Variants in CAMK1D observed in about 807,000 individuals in gnomAD.
CAMK1D encodes calcium/calmodulin dependent protein kinase ID.
CAMK1D carries 9 observed loss-of-function variants against 47.7 expected under a neutral mutation model. The observed-to-expected ratio is 0.19, with a 90% CI of 0.11 to 0.33. CAMK1D has a LOEUF of 0.33. CAMK1D is among the 10% of genes least tolerant of loss of function. CAMK1D has a pLI of 1.00. For missense variants in CAMK1D, 291 were observed against 488.7 expected (o/e 0.60, Z 3.81); for synonymous variants, 184 against 184.9 (o/e 0.99, Z 0.04).
At chr10:12,506,814 G>A (rs917115401) in intron 1 of CAMK1D, among the ~76,000 whole-genome samples, 10 of 152,182 alleles carry the variant, frequency 6.6e-5, no homozygotes, top group African/African-American at 2.2e-4. Flanking sequence ...CACCGCGCCC[G>A]GCCTGGGCTC....
intron 2 of CAMK1D, among the ~76,000 whole-genome samples, chr10:12,568,860 G>T (rs541421693): frequency 6.6e-6 from 1 of 152,100 alleles, no homozygotes; most frequent in Non-Finnish European, 1.5e-5. Flanking sequence ...GAGGGAATTC[G>T]TTTTGGGAAT....
At chr10:12,544,551 G>A (rs1313505190) in intron 1 of CAMK1D, among the ~76,000 whole-genome samples, 3 of 152,194 alleles carry the variant, frequency 2.0e-5, no homozygotes, top group East Asian at 3.8e-4. Flanking sequence ...AAGCATTCAG[G>A]CACATAAGTG....
chr10:12,610,451 G>C lies in CAMK1D; in HGVS notation c.225-56285G>C, dbSNP rs939605056. Among the ~76,000 whole-genome samples the C allele has an allele frequency of 2.0e-5, 3 of 152,120 alleles. No homozygotes were observed. The South Asian group carries it at 6.2e-4, about 32-fold the overall frequency. The stretch of plus-strand genomic sequence containing the variant: ...CTCCCCCTTCTCAGCAGATGTATCT[G>C]CTTCCATCTGCCTCTCAGAAAAACC... On this transcript the variant is annotated intron_variant, in intron 2 of 10. Transcript: ENST00000619168.
At chr10:12,352,927 C>G (rs974115640) in intron 1 of CAMK1D, among the ~76,000 whole-genome samples, 19 of 152,056 alleles carry the variant, frequency 1.2e-4, no homozygotes, top group Admixed American at 7.9e-4. Flanking sequence ...TTAGTAGAGA[C>G]GGGGTTTCAC....
At chr10:12,352,980 G>A (rs562617977) in intron 1 of CAMK1D, among the ~76,000 whole-genome samples, 47 of 152,102 alleles carry the variant, frequency 3.1e-4, no homozygotes, top group African/African-American at 1.0e-3. Flanking sequence ...CTCATGATCC[G>A]CCTGCCTCGG....
At chr10:12,546,054 G>A (rs1836359282) in intron 1 of CAMK1D, among the ~76,000 whole-genome samples, 1 of 152,176 alleles carries the variant, frequency 6.6e-6, no homozygotes, top group African/African-American at 2.4e-5. Context: ...GTTTAGAAAG[G>A]CTTTGAATGC....
chr10:12,375,929 G>A (rs1024553555), intron 1 of CAMK1D, among the ~76,000 whole-genome samples: 4 of 152,060 alleles, frequency 2.6e-5, no homozygotes, highest in South Asian at 2.1e-4. Context: ...TTGGGAGGCT[G>A]AGGTGGGCAG....
chr10:12,628,446 A>G (rs185139149), intron 2 of CAMK1D, among the ~76,000 whole-genome samples: 36 of 152,294 alleles, frequency 2.4e-4, no homozygotes, highest in African/African-American at 8.4e-4. Flanking sequence ...ATCATAGTCT[A>G]GCAGTTTTCG....
At chr10:12,659,894 G>A (rs1488908795) in intron 2 of CAMK1D, among the ~76,000 whole-genome samples, 1 of 152,208 alleles carries the variant, frequency 6.6e-6, no homozygotes, top group African/African-American at 2.4e-5. Flanking sequence ...AAACCCGGAA[G>A]TGCCTGAAAA....
chr10:12,572,206 T>C (rs759459240), intron 2 of CAMK1D, among the ~76,000 whole-genome samples: 3 of 152,138 alleles, frequency 2.0e-5, no homozygotes, highest in East Asian at 1.9e-4. Flanking sequence ...GTAATCCCCA[T>C]GTGTCAAGGG....
chr10:12,708,972 C>G (rs745323871), intron 3 of CAMK1D, among the ~76,000 whole-genome samples: 3 of 152,224 alleles, frequency 2.0e-5, no homozygotes, highest in African/African-American at 7.2e-5. Flanking sequence ...CATCCCAGTT[C>G]GAGTCTCAGC....
intron 1 of CAMK1D, among the ~76,000 whole-genome samples, chr10:12,373,298 G>A (rs1199512899): frequency 6.6e-6 from 1 of 150,664 alleles, no homozygotes; most frequent in Non-Finnish European, 1.5e-5. Flanking sequence ...GGGTGACAGA[G>A]GGAGAGCCTG....
At chr10:12,712,363 A>T (rs887288338) in intron 3 of CAMK1D, among the ~76,000 whole-genome samples, 8 of 152,256 alleles carry the variant, frequency 5.3e-5, no homozygotes. Flanking sequence ...GCCAGCCTGC[A>T]GCAGCGCCAT....
intron 1 of CAMK1D, among the ~76,000 whole-genome samples, chr10:12,545,981 G>A (rs753859787): frequency 6.6e-6 from 1 of 152,134 alleles, no homozygotes; most frequent in African/African-American, 2.4e-5. Flanking sequence ...TGTGTACGGC[G>A]TGGAGTGTTT....
At chr10:12,421,302 C>T (rs956438702) in intron 1 of CAMK1D, among the ~76,000 whole-genome samples, 27 of 152,110 alleles carry the variant, frequency 1.8e-4, no homozygotes, top group African/African-American at 5.6e-4. Context: ...CTAGTTTCTA[C>T]GGTTAATACC....
intron 1 of CAMK1D, among the ~76,000 whole-genome samples, chr10:12,353,949 A>G (rs148843884): frequency 9.7e-4 from 148 of 152,222 alleles, no homozygotes; most frequent in African/African-American, 3.4e-3. Flanking sequence ...AACCCCTAAA[A>G]TACTATTCGG....
intron 1 of CAMK1D, among the ~76,000 whole-genome samples, chr10:12,485,449 C>T (rs762293231): frequency 5.9e-5 from 9 of 152,110 alleles, no homozygotes; most frequent in South Asian, 2.1e-4. Flanking sequence ...GGTTCAGTGG[C>T]GAGGTGGCCC....
At chr10:12,355,674 T>C (rs996990384) in intron 1 of CAMK1D, among the ~76,000 whole-genome samples, 2 of 152,140 alleles carry the variant, frequency 1.3e-5, no homozygotes, top group African/African-American at 2.4e-5. Flanking sequence ...TCCCCGAGGG[T>C]ATCCCCGCTG....
At chr10:12,550,886 A>C (rs1469436413) in intron 1 of CAMK1D, among the ~76,000 whole-genome samples, 1 of 152,218 alleles carries the variant, frequency 6.6e-6, no homozygotes, top group Non-Finnish European at 1.5e-5. Flanking sequence ...GCTGTCCTGA[A>C]GTTAATTGCA....
Sources: gnomAD v4.1 joint callset for allele counts (sites outside exome capture counted in the v4.1 genomes callset) on GRCh38, gnomAD v4.1.1 for gene constraint, MANE v1.5 for transcripts, NCBI Gene and HGNC (gene_info 2026-07-23, HGNC 2026-07-21) for gene names.